GBF1: variants seen among roughly 807,000 people sequenced by gnomAD.
GBF1 encodes golgi brefeldin A resistant guanine nucleotide exchange factor 1, also known as Golgi-specific brefeldin A-resistance guanine nucleotide exchange factor 1.
A neutral mutation model predicts 210.5 loss-of-function variants in GBF1; 114 were observed. That is an observed-to-expected ratio of 0.54 (90% CI 0.47 to 0.63). GBF1 has a LOEUF of 0.63. GBF1 is among the 30% of genes least tolerant of loss of function. The pLI is 0.00. For synonymous variants in GBF1, 850 were observed against 889.2 expected, an observed-to-expected ratio of 0.96 and a Z score of 0.78; for missense variants, 1,851 against 2,357.7, an observed-to-expected ratio of 0.79 and a Z score of 4.45.
the GBF1 span, among the ~76,000 whole-genome samples, chr10:102,232,941 C>T: frequency 6.6e-6 from 1 of 152,152 alleles, no homozygotes; most frequent in Non-Finnish European, 1.5e-5. Context: ...ATTCTCTCTC[C>T]CCTCACAAGA....
chr10:102,289,799 A>C (rs2076283749), intron 3 of GBF1, among the ~76,000 whole-genome samples: 3 of 152,154 alleles, frequency 2.0e-5, no homozygotes, highest in Admixed American at 2.0e-4. Flanking sequence ...AAGAACAAAA[A>C]CCTTTGTGCC....
At chr10:102,339,028 GA>G (rs1169886095) in intron 3 of GBF1, among the ~76,000 whole-genome samples, 3 of 150,432 alleles carry the variant, frequency 2.0e-5, no homozygotes, top group Non-Finnish European at 4.4e-5. Flanking sequence ...AATGATATTG[GA>G]AAAAAAAATG....
upstream of GBF1, among the ~76,000 whole-genome samples, chr10:102,244,219 T>C (rs1202785345): frequency 6.6e-6 from 1 of 152,238 alleles, no homozygotes; most frequent in East Asian, 1.9e-4. Context: ...TGTCTGGTTT[T>C]GAGACTACTT....
intron 3 of GBF1, among the ~76,000 whole-genome samples, chr10:102,320,546 A>G (rs1376097271): frequency 6.6e-6 from 1 of 151,448 alleles, no homozygotes; most frequent in Non-Finnish European, 1.5e-5. Flanking sequence ...TCCATGTCTC[A>G]CCTTCTACCT....
intron 3 of GBF1, among the ~76,000 whole-genome samples, chr10:102,279,922 C>G (rs1413899464): frequency 6.6e-6 from 1 of 152,082 alleles, no homozygotes; most frequent in Non-Finnish European, 1.5e-5. Flanking sequence ...AGTTTGAAAC[C>G]AGCCTGAGTA....
At chr10:102,321,910 G>A (rs1286017900) in intron 3 of GBF1, among the ~76,000 whole-genome samples, 1 of 152,236 alleles carries the variant, frequency 6.6e-6, no homozygotes, top group Admixed American at 6.5e-5. Flanking sequence ...CCAGGCTGGA[G>A]TACAGTGGTG....
chr10:102,292,008 G>A (rs1420891167), intron 3 of GBF1, among the ~76,000 whole-genome samples: 2 of 150,244 alleles, frequency 1.3e-5, no homozygotes, highest in African/African-American at 4.9e-5. Context: ...TCCTGCCCCA[G>A]CCTCCTGAGT....
chr10:102,277,614 G>T (rs2075105429), intron 3 of GBF1, among the ~76,000 whole-genome samples: 1 of 152,030 alleles, frequency 6.6e-6, no homozygotes, highest in Non-Finnish European at 1.5e-5. Flanking sequence ...CATGACCACA[G>T]GTGATCCGCC....
intron 9 of GBF1, 45 bp from the exon 10 acceptor site, chr10:102,358,461 C>T: frequency 7.2e-7 from 1 of 1,387,934 alleles, no homozygotes; most frequent in Non-Finnish European, 1.0e-6. Context: ...GTTTTGCCCA[C>T]AGCCTCTTTC....
intron 22 of GBF1, 83 bp from the exon 23 acceptor site, chr10:102,368,633 TCTTCCTGGGACTGACTGGGGAAG>T: frequency 9.0e-6 from 8 of 887,344 alleles, no homozygotes; most frequent in Non-Finnish European, 1.4e-5. Context: ...TTAAAAGGTT[TCTTCCTGGGACTGACTGGGGAAG>T]AGCCCCATGC....
At chr10:102,360,472 CAA>C (rs1315092923) in intron 12 of GBF1, 77 bp downstream of exon 12, 1 of 975,134 alleles carries the variant, frequency 1.0e-6, no homozygotes, top group Non-Finnish European at 1.6e-6. Context: ...GCTGATTACG[CAA>C]AGAGTATAGG....
chr10:102,359,155 C>G (rs2059450474), intron 10 of GBF1, 112 bp from the exon 11 acceptor site: 1 of 759,882 alleles, frequency 1.3e-6, no homozygotes, highest in African/African-American at 1.7e-5. Context: ...TGAGTTGGCC[C>G]TACATCTGTA....
chr10:102,376,255 C>T lies in GBF1; in HGVS notation c.3887-17C>T, dbSNP rs376602396. The T allele has an allele frequency of 7.5e-5, 121 of 1,611,018 alleles. No individual in the cohort carries two copies. The highest frequency in any genetic ancestry group is 1.0e-4 in the Non-Finnish European group (118 of 1,177,472). ...CCATCCCCACCCTGACTCTGCCCTT[C>T]TCCCTGCCTACCATAGGGGCCCAGT... On this transcript the variant is annotated splice_polypyrimidine_tract_variant and intron_variant, in intron 30 of 39. Coordinates refer to ENST00000369983, the MANE Select transcript of GBF1 (RefSeq NM_001377137.1).
At chr10:102,295,097 T>C (rs904619489) in intron 3 of GBF1, among the ~76,000 whole-genome samples, 2 of 152,204 alleles carry the variant, frequency 1.3e-5, no homozygotes, top group African/African-American at 4.8e-5. Context: ...AATTAACAAG[T>C]GTGTATTGCT....
Position 102,342,734 on chromosome 10 carries a change from C to G in GBF1, c.164-1317C>G, listed in dbSNP as rs547798551. On this transcript the variant is annotated intron_variant, in intron 3 of 39. Transcript: ENST00000369983. ...AAGGTGGGGCAGCCTAGATCACATC[C>G]CTAAACACTTTTGGTCTCTTTAGGA... Among the ~76,000 whole-genome samples the G allele has an allele frequency of 3.3e-5, 5 of 152,104 alleles. No individual in the cohort carries two copies. In the South Asian group the frequency reaches 1.0e-3, roughly 32 times the overall value.
rs1038173884 is a variant in GBF1 at position 102,360,232 on chromosome 10, G to A, written c.1229G>A (p.Arg410His). Reference sequence around the variant, plus strand: ...CTTCCCTGCATCCGCGAGCTCTTCCGCTTCCTCATCTCCCTCACCAATCCA... The same window carrying A: ...CTTCCCTGCATCCGCGAGCTCTTCCACTTCCTCATCTCCCTCACCAATCCA... ...YGLPCIRELF[R>H]FLISLTNPHD... The change falls in exon 12 of 40, where the codon CGC becomes CAC. Residue 410 changes from arginine (R) to histidine (H), a missense_variant. Physicochemically the swap from Arg to His is conservative, Grantham distance 29 (BLOSUM62 0). Coordinates refer to ENST00000369983, the MANE Select transcript of GBF1 (RefSeq NM_001377137.1). 18 of 1,613,822 alleles carry A rather than the reference G, an allele frequency of 1.1e-5. No individual in the cohort carries two copies. The highest frequency in any genetic ancestry group is 1.4e-5 in the Non-Finnish European group (17 of 1,179,884).
At chr10:102,342,723 T>G (rs2058285599) in intron 3 of GBF1, among the ~76,000 whole-genome samples, 1 of 152,092 alleles carries the variant, frequency 6.6e-6, no homozygotes, top group Admixed American at 6.6e-5. Flanking sequence ...TGGGGCAGCC[T>G]AGATCACATC....
intron 3 of GBF1, among the ~76,000 whole-genome samples, chr10:102,292,035 GC>G (rs2076485809): frequency 6.6e-6 from 1 of 151,480 alleles, no homozygotes. Flanking sequence ...GACTACAGGC[GC>G]CCACCACCAC....
At chr10:102,240,148 T>C in the GBF1 span, among the ~76,000 whole-genome samples, 1 of 151,832 alleles carries the variant, frequency 6.6e-6, no homozygotes, top group Non-Finnish European at 1.5e-5. Context: ...CAGCAAGGAG[T>C]CTGGGGGGTG....
Sources: allele counts gnomAD v4.1 joint callset (sites outside exome capture counted in the v4.1 genomes callset), GRCh38; gene constraint gnomAD v4.1.1; transcripts MANE v1.5; gene names NCBI Gene and HGNC (gene_info 2026-07-23, HGNC 2026-07-21).